AKAP7: variants seen among roughly 807,000 people sequenced by gnomAD.
AKAP7 encodes the protein A kinase (PRKA) anchor protein 7.
In AKAP7, 39 loss-of-function variants were observed where a neutral mutation model predicts 39.5. The ratio of observed to expected loss-of-function variants is 0.99; its 90% CI spans 0.76 to 1.29. The LOEUF is 1.29. Among genes scored for constraint, AKAP7 ranks in the 50% most tolerant of loss-of-function variants. The probability of loss-of-function intolerance (pLI) is 0.00; values close to 1 mark genes in which losing one functional copy is unlikely to be tolerated. For missense variants in AKAP7, 414 were observed against 407.7 expected, an observed-to-expected ratio of 1.02 and a Z score of -0.13; for synonymous variants, 140 against 139.1, an observed-to-expected ratio of 1.01 and a Z score of -0.05.
intron 7 of AKAP7, among the ~76,000 whole-genome samples, chr6:131,251,984 C>T (rs1170047528): frequency 6.6e-6 from 1 of 152,216 alleles, no homozygotes; most frequent in African/African-American, 2.4e-5. Flanking sequence ...AATTCTTTCC[C>T]CACCCTCTTC....
chr6:131,219,966 G>C (rs1274219610), intron 7 of AKAP7, among the ~76,000 whole-genome samples, 158 bp downstream of exon 7: 2 of 151,978 alleles, frequency 1.3e-5, no homozygotes, highest in Non-Finnish European at 2.9e-5. Context: ...AAATTTTCTA[G>C]AGCATTTTTC....
chr6:131,162,420 C>G (rs1246423210), intron 3 of AKAP7, among the ~76,000 whole-genome samples: 1 of 152,176 alleles, frequency 6.6e-6, no homozygotes, highest in African/African-American at 2.4e-5. Flanking sequence ...TTAGTCCCAG[C>G]TGAGTCACAG....
chr6:131,192,134 TTG>T (rs1301988859), intron 5 of AKAP7, among the ~76,000 whole-genome samples: 2 of 152,156 alleles, frequency 1.3e-5, no homozygotes, highest in African/African-American at 4.8e-5. Context: ...TTCCCTGTGC[TTG>T]TGAGATATAA....
At chr6:131,243,019 G>A (rs1341848407) in intron 7 of AKAP7, among the ~76,000 whole-genome samples, 1 of 152,152 alleles carries the variant, frequency 6.6e-6, no homozygotes, top group East Asian at 1.9e-4. Context: ...TAGCTGCCAA[G>A]TGTTGGGTGT....
At chr6:131,154,100 C>T (rs949134043) in intron 2 of AKAP7, among the ~76,000 whole-genome samples, 3 of 151,920 alleles carry the variant, frequency 2.0e-5, no homozygotes, top group African/African-American at 4.8e-5. Context: ...TCCAGTTACT[C>T]GGGAGGCTGA....
At chr6:131,261,885 A>C (rs1813378119) in intron 7 of AKAP7, among the ~76,000 whole-genome samples, 2 of 152,154 alleles carry the variant, frequency 1.3e-5, no homozygotes, top group African/African-American at 4.8e-5. Flanking sequence ...GTAGGGAATT[A>C]GTTAAGTAAG....
chr6:131,231,260 A>T (rs1313638917), intron 7 of AKAP7, among the ~76,000 whole-genome samples: 1 of 152,212 alleles, frequency 6.6e-6, no homozygotes, highest in African/African-American at 2.4e-5. Flanking sequence ...ACAGGAGCAT[A>T]TCTATGTGAA....
intron 7 of AKAP7, among the ~76,000 whole-genome samples, chr6:131,278,527 A>G: frequency 6.6e-6 from 1 of 152,206 alleles, no homozygotes; most frequent in East Asian, 1.9e-4. Context: ...TTATAAAGAA[A>G]AGAGGTTTAG....
At chr6:131,135,823 G>A in intron 1 of AKAP7, 41 bp downstream of exon 1, 1 of 1,226,990 alleles carries the variant, frequency 8.2e-7, no homozygotes, top group Middle Eastern at 3.1e-4. Context: ...GGGGGCGACA[G>A]GAGCCGCGGG....
chr6:131,237,432 G>A (rs1382832117), intron 7 of AKAP7, among the ~76,000 whole-genome samples: 4 of 152,182 alleles, frequency 2.6e-5, no homozygotes, highest in African/African-American at 9.7e-5. Flanking sequence ...AAATGAGTTA[G>A]GGAGGATTCC....
At chr6:131,188,417 C>T (rs898850541) in intron 5 of AKAP7, among the ~76,000 whole-genome samples, 9 of 152,078 alleles carry the variant, frequency 5.9e-5, no homozygotes, top group African/African-American at 1.2e-4. Context: ...TGAGATTTTT[C>T]GTATTATATG....
At chr6:131,230,913 A>G (rs954645188) in intron 7 of AKAP7, among the ~76,000 whole-genome samples, 2 of 152,180 alleles carry the variant, frequency 1.3e-5, no homozygotes, top group Admixed American at 1.3e-4. Flanking sequence ...ATGTTTATGA[A>G]TATAACCCAC....
At chr6:131,178,562 A>G (rs991619294) in intron 5 of AKAP7, among the ~76,000 whole-genome samples, 2 of 152,242 alleles carry the variant, frequency 1.3e-5, no homozygotes, top group Admixed American at 6.5e-5. Flanking sequence ...AGTTATAGCT[A>G]TCACGACAAC....
intron 4 of AKAP7, 93 bp from the exon 5 acceptor site, chr6:131,169,020 T>TTCA (rs1803773100): frequency 1.8e-6 from 2 of 1,132,754 alleles, no homozygotes; most frequent in Non-Finnish European, 2.5e-6. Flanking sequence ...AATATCAAAA[T>TTCA]TCATCTTTCT....
chr6:131,223,479 G>A (rs1163217805), intron 7 of AKAP7, among the ~76,000 whole-genome samples: 3 of 152,166 alleles, frequency 2.0e-5, no homozygotes, highest in African/African-American at 7.2e-5. Flanking sequence ...AAGATATTCA[G>A]TATGTCGTTT....
intron 2 of AKAP7, among the ~76,000 whole-genome samples, chr6:131,147,194 C>A (rs1801550179): frequency 6.6e-6 from 1 of 152,188 alleles, no homozygotes. Context: ...CTTTTTCAAC[C>A]TTTGCATCCT....
chr6:131,208,228 T>C (rs1277966030), intron 6 of AKAP7, among the ~76,000 whole-genome samples: 2 of 152,232 alleles, frequency 1.3e-5, no homozygotes, highest in Admixed American at 1.3e-4. Flanking sequence ...CTTTATGCTG[T>C]TGTATTGTCT....
chr6:131,139,536 G>A (rs1404687487), intron 1 of AKAP7, among the ~76,000 whole-genome samples: 1 of 152,204 alleles, frequency 6.6e-6, no homozygotes, highest in African/African-American at 2.4e-5. Flanking sequence ...GAGAATCTGT[G>A]TTGTGCTGAG....
intron 6 of AKAP7, 85 bp downstream of exon 6, chr6:131,199,658 G>A (rs749567014): frequency 6.4e-5 from 69 of 1,085,820 alleles, no homozygotes; most frequent in Non-Finnish European, 8.5e-5. Flanking sequence ...ACATTGCTGT[G>A]GTCTCTGACA....
Sources: gnomAD v4.1 joint callset for allele counts (sites outside exome capture counted in the v4.1 genomes callset) on GRCh38, gnomAD v4.1.1 for gene constraint, MANE v1.5 for transcripts, NCBI Gene and HGNC (gene_info 2026-07-23, HGNC 2026-07-21) for gene names.